Variants in PDZD2 observed in about 807,000 individuals in gnomAD.
PDZD2 encodes PDZ domain containing 2, also known as PDZ domain-containing protein 2.
Under a neutral mutation model 220.7 loss-of-function variants are expected in PDZD2, and 90 were observed. That is an observed-to-expected ratio of 0.41 (90% CI 0.34 to 0.49). The LOEUF (loss-of-function observed/expected upper bound fraction) is 0.49, where lower values mean the gene tolerates loss of function less well. Among genes scored for constraint, PDZD2 ranks in the 20% least tolerant of loss-of-function variants. The pLI, the probability that PDZD2 is intolerant of heterozygous loss-of-function variation, is 0.28. For synonymous variants in PDZD2, 1,375 were observed against 1,450.5 expected, an observed-to-expected ratio of 0.95 and a Z score of 1.18; for missense variants, 3,174 against 3,608.5, an observed-to-expected ratio of 0.88 and a Z score of 3.08.
chr5:31,687,472 T>C (rs1746919008), intron 1 of PDZD2, among the ~76,000 whole-genome samples: 1 of 152,182 alleles, frequency 6.6e-6, no homozygotes, highest in Non-Finnish European at 1.5e-5. Context: ...TTATTCAGTT[T>C]ACGTCGATCT....
At position 32,053,896 on chromosome 5, in the gene PDZD2, C is replaced by A. The variant is rs758612098; in HGVS notation, c.1900+13C>A. ...AGACTTAAAGAAGGTAGGGGAAAGC[C>A]TCTTGTATCCTCAGTGACAGTGACT... is the stretch of plus-strand genomic sequence containing the variant. On this transcript the variant is annotated intron_variant, in intron 10 of 24. Transcript: ENST00000438447. The A allele has an allele frequency of 5.8e-6, 8 of 1,368,116 alleles. No individual in the cohort carries two copies. The South Asian group carries it at 8.1e-5, about 14-fold the overall frequency. The allele number at this position is 1,368,116 out of a possible 1,614,324, so 84.7% of individuals were successfully genotyped here. A position where few individuals can be genotyped will look rare whatever the true frequency, so the allele number is the denominator to read the frequency against.
chr5:31,981,965 AT>A (rs1293623759), intron 2 of PDZD2, among the ~76,000 whole-genome samples: 1 of 152,236 alleles, frequency 6.6e-6, no homozygotes, highest in East Asian at 1.9e-4. Flanking sequence ...CATGCTTCAC[AT>A]ACCTTATCTC....
intron 1 of PDZD2, among the ~76,000 whole-genome samples, chr5:31,671,707 A>T (rs1372789041): frequency 6.6e-6 from 1 of 152,184 alleles, no homozygotes; most frequent in African/African-American, 2.4e-5. Context: ...CGCGGCCTCC[A>T]CTAATGCTTC....
chr5:31,662,949 C>T (rs1418279689), intron 1 of PDZD2, among the ~76,000 whole-genome samples: 1 of 152,180 alleles, frequency 6.6e-6, no homozygotes, highest in Admixed American at 6.5e-5. Flanking sequence ...CCTTCTAATG[C>T]TATCACTATG....
intron 1 of PDZD2, among the ~76,000 whole-genome samples, chr5:31,708,113 A>AAT (rs1324639454): frequency 6.6e-6 from 1 of 152,200 alleles, no homozygotes; most frequent in Non-Finnish European, 1.5e-5. Context: ...CATGTAGTTG[A>AAT]ACCAATCAAG....
chr5:32,098,254 T>TAAA lies in PDZD2; in HGVS notation c.7948-106_7948-104dup. On this transcript the variant is annotated intron_variant, in intron 22 of 24. Coordinates refer to ENST00000438447, the MANE Select transcript of PDZD2 (RefSeq NM_178140.4). The surrounding 1 kb of genome is among the most constrained non-coding windows in gnomAD (Gnocchi z 4.1). ...GAGACTCCCTCTCAAAAAATAAAAA[T>TAAA]AAAAAAGGAAGGTTCCTTTACTACA... 9.0e-7 allele frequency: 1 copy of TAAA among 1,109,750 alleles called. No individual in the cohort carries two copies. The highest frequency in any genetic ancestry group is 1.3e-6 in the Non-Finnish European group (1 of 779,690). 68.7% of individuals were successfully genotyped at this position (1,109,750 alleles called of 1,614,324 possible).
chr5:32,047,085 T>C (rs1157724221), intron 7 of PDZD2, among the ~76,000 whole-genome samples: 1 of 151,924 alleles, frequency 6.6e-6, no homozygotes, highest in Non-Finnish European at 1.5e-5. Flanking sequence ...TAAATAAAAA[T>C]GCCTATAAAT....
intron 2 of PDZD2, among the ~76,000 whole-genome samples, chr5:31,812,257 G>A (rs879756534): frequency 3.9e-5 from 6 of 151,998 alleles, no homozygotes; most frequent in South Asian, 2.1e-4. Context: ...AGATCCATGC[G>A]TAAGAGGAAA....
At position 32,108,989 on chromosome 5, in the gene PDZD2, A is replaced by C. The variant is rs1745093339; in HGVS notation, c.*854A>C. The stretch of plus-strand genomic sequence containing the variant: ...AACTAGTTTTTGAACCTGTCTTGAT[A>C]AGTGCTTGAATTCAAGACTGGTCAG... On this transcript the variant is annotated 3_prime_UTR_variant, in exon 25 of 25. Coordinates refer to ENST00000438447, the MANE Select transcript of PDZD2 (RefSeq NM_178140.4). 6.6e-6 allele frequency: 1 copy of C among 152,652 alleles called. No individual in the cohort carries two copies. Among genetic ancestry groups the C allele is most frequent in the African/African-American group, 2.4e-5 (1 of 41,450 alleles). The allele number at this position is 152,652 out of a possible 1,614,324, so 9.5% of individuals were successfully genotyped here. A position where few individuals can be genotyped will look rare whatever the true frequency, so the allele number is the denominator to read the frequency against.
At chr5:31,675,550 A>T (rs920764362) in intron 1 of PDZD2, among the ~76,000 whole-genome samples, 2 of 152,230 alleles carry the variant, frequency 1.3e-5, no homozygotes, top group African/African-American at 4.8e-5. Context: ...AATAGAAAAA[A>T]TGCTCCAAGA....
At chr5:31,761,860 CA>C (rs112422855) in intron 1 of PDZD2, among the ~76,000 whole-genome samples, 2,619 of 126,550 alleles carry the variant, frequency 0.021, 29 homozygotes, top group African/African-American at 0.033. Flanking sequence ...AACTACATCT[CA>C]AAAAAAAAAA....
intron 3 of PDZD2, among the ~76,000 whole-genome samples, chr5:31,990,409 G>A (rs1751115955): frequency 6.6e-6 from 1 of 152,120 alleles, no homozygotes; most frequent in Non-Finnish European, 1.5e-5. Flanking sequence ...AGTTTTTCAG[G>A]GTTTGGCTTT....
intron 1 of PDZD2, among the ~76,000 whole-genome samples, chr5:31,722,402 C>T (rs913916787): frequency 6.6e-6 from 1 of 152,084 alleles, no homozygotes; most frequent in African/African-American, 2.4e-5. Context: ...AACCCTCCCA[C>T]CCTCTCCACT....
intron 1 of PDZD2, among the ~76,000 whole-genome samples, chr5:31,731,632 G>A (rs180831795): frequency 1.4e-3 from 214 of 152,138 alleles, no homozygotes; most frequent in Middle Eastern, 3.4e-3. Flanking sequence ...GGCTTCTTAC[G>A]CTTAGCATAA....
chr5:31,819,937 A>G (rs1755726534), intron 2 of PDZD2, among the ~76,000 whole-genome samples: 1 of 152,178 alleles, frequency 6.6e-6, no homozygotes, highest in Non-Finnish European at 1.5e-5. Flanking sequence ...TCCTTTTCTT[A>G]CCCACACAAT....
rs146005707 is a variant in PDZD2 at position 31,995,710 on chromosome 5, C to T, written c.1113C>T (p.Ala371=). Residue 371 remains alanine, a synonymous_variant, in exon 4 of 25, where the codon GCC becomes GCT. Coordinates refer to ENST00000438447, the MANE Select transcript of PDZD2 (RefSeq NM_178140.4). The part of the protein sequence containing the change: ...IVVTQVKEGG[A]AHRDGRLSLG... ...TCACTCAAGTGAAGGAAGGAGGTGC[C>T]GCTCACAGGTGACTAGATAACTCTC... 1.5e-5 allele frequency: 25 copies of T among 1,613,444 alleles called. No homozygotes were observed. In the African/African-American group the frequency reaches 1.7e-4, roughly 11 times the overall value.
chr5:31,712,383 G>A (rs1313687011), intron 1 of PDZD2, among the ~76,000 whole-genome samples: 1 of 152,098 alleles, frequency 6.6e-6, no homozygotes, highest in Non-Finnish European at 1.5e-5. Flanking sequence ...TTGCTCTTGG[G>A]TCAGAGACCT....
chr5:31,660,199 G>A (rs1281256718), intron 1 of PDZD2, among the ~76,000 whole-genome samples: 1 of 152,086 alleles, frequency 6.6e-6, no homozygotes, highest in Non-Finnish European at 1.5e-5. Flanking sequence ...ATAATAGAAA[G>A]GAGCAATTCT....
chr5:31,702,754 G>C (rs912006938), intron 1 of PDZD2, among the ~76,000 whole-genome samples: 1 of 152,242 alleles, frequency 6.6e-6, no homozygotes, highest in Non-Finnish European at 1.5e-5. Flanking sequence ...CTCAGCATTT[G>C]AGACTCAGAG....
Sources: gnomAD v4.1 joint callset for allele counts (sites outside exome capture counted in the v4.1 genomes callset) on GRCh38, gnomAD v4.1.1 for gene constraint, Gnocchi (gnomAD v3.1) non-coding constraint, MANE v1.5 for transcripts, NCBI Gene and HGNC (gene_info 2026-07-23, HGNC 2026-07-21) for gene names.